Variants in SCN3A observed in about 807,000 individuals in gnomAD.
The protein encoded by SCN3A is sodium channel protein type 3 subunit alpha.
In SCN3A, 60 loss-of-function variants were observed where a neutral mutation model predicts 187.6. The ratio of observed to expected loss-of-function variants is 0.32; its 90% CI spans 0.26 to 0.40. SCN3A has a LOEUF of 0.40. Among genes scored for constraint, SCN3A ranks in the 10% least tolerant of loss-of-function variants. The pLI, the probability that SCN3A is intolerant of heterozygous loss-of-function variation, is 1.00. For missense variants in SCN3A, 1,601 were observed against 2,428.2 expected, an observed-to-expected ratio of 0.66 and a Z score of 7.16; for synonymous variants, 788 against 829.2, an observed-to-expected ratio of 0.95 and a Z score of 0.85.
chr2:165,148,332 G>A (rs1225979144), intron 11 of SCN3A, among the ~76,000 whole-genome samples: 1 of 151,368 alleles, frequency 6.6e-6, no homozygotes, highest in Non-Finnish European at 1.5e-5. Flanking sequence ...TAAAAGACTT[G>A]ACTTTTCAAG....
At position 165,112,891 on chromosome 2, in the gene SCN3A, G is replaced by A. The variant is rs756134954; in HGVS notation, c.3837C>T (p.Ile1279=). ...TNAWCWLDFL[I]VDVSLVSLVA... ...AATCACTTAAAATACTTACATCAAC[G>A]ATCAAGAAATCTAGCCAGCACCAGG... Residue 1279 remains isoleucine (I), a synonymous_variant, in exon 21 of 28, where the codon ATC becomes ATT. Coordinates refer to ENST00000283254, the MANE Select transcript of SCN3A (RefSeq NM_006922.4). The A allele has an allele frequency of 5.5e-5, 88 of 1,612,676 alleles. 1 individual carries two copies. The South Asian group carries it at 8.3e-4, about 15-fold the overall frequency.
At chr2:165,150,054 A>G (rs771255747) in intron 11 of SCN3A, among the ~76,000 whole-genome samples, 2 of 152,070 alleles carry the variant, frequency 1.3e-5, no homozygotes, top group East Asian at 1.9e-4. Context: ...TTACTCCCAA[A>G]TTTTTTCCTA....
At chr2:165,196,665 T>G (rs1691986464) in intron 1 of SCN3A, among the ~76,000 whole-genome samples, 1 of 152,142 alleles carries the variant, frequency 6.6e-6, no homozygotes, top group Non-Finnish European at 1.5e-5. Flanking sequence ...AATTAATTAT[T>G]AATTTCGCTC....
chr2:165,163,502 C>G (rs750294372), intron 7 of SCN3A, 116 bp downstream of exon 7: 119 of 1,190,886 alleles, frequency 1.0e-4, no homozygotes, highest in Non-Finnish European at 1.4e-4. Context: ...CATCATTTGG[C>G]ATTATTTAAC....
intron 1 of SCN3A, among the ~76,000 whole-genome samples, chr2:165,196,914 C>A (rs1692000930): frequency 6.6e-6 from 1 of 152,024 alleles, no homozygotes; most frequent in Non-Finnish European, 1.5e-5. Context: ...AGATTTAGTT[C>A]TCCAGATAGC....
Position 165,162,844 on chromosome 2 carries a change from T to A in SCN3A, c.695-16A>T. 1 of 1,607,176 alleles carries A rather than the reference T, an allele frequency of 6.2e-7. No homozygotes were observed. The highest frequency in any genetic ancestry group is 1.1e-5 in the South Asian group (1 of 90,954). On this transcript the variant is annotated splice_polypyrimidine_tract_variant and intron_variant, in intron 7 of 27. Coordinates refer to ENST00000283254, the MANE Select transcript of SCN3A (RefSeq NM_006922.4). ...GTCTTTAAACCTGCAGAGAGAGAAC[T>A]ATAGGTTACCTGAGGAAGAGTGCCA...
Position 165,127,899 on chromosome 2 carries a change from C to G in SCN3A, c.3125G>C (p.Gly1042Ala), listed in dbSNP as rs747148406. 6.2e-7 allele frequency: 1 copy of G among 1,614,072 alleles called. No homozygotes were observed. Among genetic ancestry groups the G allele is most frequent in the South Asian group, 1.1e-5 (1 of 91,074 alleles). The part of the protein sequence containing the change: ...RKPKVIEIHE[G>A]NKIDSCMSNN... ...GGACATGCAGCTGTCTATCTTATTG[C>G]CTTCATGGATTTCTATAACTTTTGG... The change falls in exon 18 of 28, where the codon GGC (glycine) becomes GCC (alanine). Residue 1042 changes from glycine to alanine, a missense_variant. This residue lies in a region of SCN3A where 267 missense variants were observed against 313.2 expected (regional missense o/e 0.85). Coordinates refer to ENST00000283254, the MANE Select transcript of SCN3A (RefSeq NM_006922.4).
chr2:165,186,492 T>C (rs1691251745), intron 2 of SCN3A, 59 bp downstream of exon 2: 1 of 152,162 alleles, frequency 6.6e-6, no homozygotes, highest in South Asian at 2.1e-4. Context: ...TGTTAAATAG[T>C]AGAGATTTTA....
chr2:165,183,862 G>C (rs1399661986), intron 2 of SCN3A, among the ~76,000 whole-genome samples: 2 of 152,108 alleles, frequency 1.3e-5, no homozygotes, highest in Admixed American at 6.5e-5. Flanking sequence ...CATACAACTT[G>C]AGATAGCATT....
intron 18 of SCN3A, among the ~76,000 whole-genome samples, chr2:165,118,746 C>T (rs1686498867): frequency 6.6e-6 from 1 of 152,068 alleles, no homozygotes; most frequent in Admixed American, 6.6e-5. Flanking sequence ...GCCACCGTGC[C>T]TGGCTAACTT....
intron 3 of SCN3A, among the ~76,000 whole-genome samples, chr2:165,174,318 T>C (rs10497257): frequency 0.22 from 33,195 of 152,090 alleles, 4,362 homozygotes; most frequent in East Asian, 0.52. Flanking sequence ...GGAAAACAAA[T>C]TGTAGTCAGA....
chr2:165,128,110 A>AT lies in SCN3A; in HGVS notation c.2923-10_2923-9insA. 6.3e-7 allele frequency: 1 copy of AT among 1,591,808 alleles called. No homozygotes were observed. The highest frequency in any genetic ancestry group is 8.6e-7 in the Non-Finnish European group (1 of 1,169,208). On this transcript the variant is annotated splice_polypyrimidine_tract_variant and intron_variant, in intron 17 of 27. Coordinates refer to ENST00000283254, the MANE Select transcript of SCN3A (RefSeq NM_006922.4). The stretch of plus-strand genomic sequence containing the variant: ...AGAAAGAGGTTCAGAACCTAAAAGA[A>AT]AAAAAGAAAAATGTCTATTTTAATA...
intron 15 of SCN3A, among the ~76,000 whole-genome samples, chr2:165,132,648 T>C (rs1687409657): frequency 6.6e-6 from 1 of 152,172 alleles, no homozygotes; most frequent in Admixed American, 6.5e-5. Flanking sequence ...GATTAAAGAC[T>C]TAAAAGTTAG....
At chr2:165,188,459 T>G (rs1342879226) in intron 1 of SCN3A, among the ~76,000 whole-genome samples, 1 of 152,150 alleles carries the variant, frequency 6.6e-6, no homozygotes, top group Non-Finnish European at 1.5e-5. Flanking sequence ...TATATAAAAT[T>G]GGACTCTAAG....
intron 12 of SCN3A, 113 bp downstream of exon 12, chr2:165,146,626 T>C (rs1688354195): frequency 1.9e-6 from 2 of 1,063,604 alleles, no homozygotes; most frequent in Admixed American, 4.0e-5. Flanking sequence ...TAAATGTTAG[T>C]TCCCTGTCCC....
At chr2:165,163,396 G>A (rs1689530851) in intron 7 of SCN3A, among the ~76,000 whole-genome samples, 1 of 152,046 alleles carries the variant, frequency 6.6e-6, no homozygotes, top group Non-Finnish European at 1.5e-5. Context: ...AGCATTTTTT[G>A]AAGATGTCTC....
chr2:165,134,104 C>T (rs1687519957), intron 15 of SCN3A, among the ~76,000 whole-genome samples: 1 of 151,970 alleles, frequency 6.6e-6, no homozygotes, highest in African/African-American at 2.4e-5. Context: ...TTAATTGAAA[C>T]CAGCAGGAGA....
At chr2:165,098,497 A>T (rs1559181725) in intron 22 of SCN3A, among the ~76,000 whole-genome samples, 1 of 152,224 alleles carries the variant, frequency 6.6e-6, no homozygotes, top group Admixed American at 6.5e-5. Flanking sequence ...GTTAAGCCAT[A>T]TGCATTATAC....
At chr2:165,160,327 C>T (rs1689284925) in intron 9 of SCN3A, among the ~76,000 whole-genome samples, 1 of 152,074 alleles carries the variant, frequency 6.6e-6, no homozygotes, top group Non-Finnish European at 1.5e-5. Context: ...ATAATGTACA[C>T]AATAAATGTA....
Sources: allele counts gnomAD v4.1 joint callset (sites outside exome capture counted in the v4.1 genomes callset), GRCh38; gene constraint gnomAD v4.1.1; regional missense constraint gnomAD v4.1.1; transcripts MANE v1.5; gene names NCBI Gene and HGNC (gene_info 2026-07-23, HGNC 2026-07-21).